Variants in LRRC52 observed in about 807,000 individuals in gnomAD.
The protein encoded by LRRC52 is leucine-rich repeat-containing protein 52.
A neutral mutation model predicts 14.7 loss-of-function variants in LRRC52; 15 were observed. The ratio of observed to expected loss-of-function variants is 1.02; its 90% CI spans 0.68 to 1.58. The LOEUF is 1.58. LRRC52 is among the 40% of genes most tolerant of loss of function. The pLI is 0.00. For missense variants in LRRC52, 400 were observed against 387.7 expected (o/e 1.03, Z -0.27); for synonymous variants, 180 against 163.9 (o/e 1.10, Z -0.75).
intron 1 of LRRC52, among the ~76,000 whole-genome samples, chr1:165,557,480 A>G (rs1661259183): frequency 6.6e-6 from 1 of 152,244 alleles, no homozygotes; most frequent in Admixed American, 6.5e-5. Flanking sequence ...ATAACAATCA[A>G]TTCATTCAAC....
intron 1 of LRRC52, among the ~76,000 whole-genome samples, chr1:165,561,797 T>C (rs1187445444): frequency 1.3e-5 from 2 of 152,226 alleles, no homozygotes; most frequent in African/African-American, 4.8e-5. Context: ...CAAAACAAAA[T>C]GACTTTGCTG....
chr1:165,558,136 A>T (rs1467208946), intron 1 of LRRC52, among the ~76,000 whole-genome samples: 1 of 152,242 alleles, frequency 6.6e-6, no homozygotes, highest in African/African-American at 2.4e-5. Context: ...TAGTTCTTCC[A>T]TGCATCTGAT....
At chr1:165,547,982 A>C (rs956596946) in intron 1 of LRRC52, among the ~76,000 whole-genome samples, 1 of 152,218 alleles carries the variant, frequency 6.6e-6, no homozygotes, top group Non-Finnish European at 1.5e-5. Flanking sequence ...ATTCTTGGTG[A>C]AGTTTCAAAC....
At chr1:165,559,582 G>T (rs1316367526) in intron 1 of LRRC52, among the ~76,000 whole-genome samples, 1 of 152,134 alleles carries the variant, frequency 6.6e-6, no homozygotes, top group Non-Finnish European at 1.5e-5. Context: ...CAACCTAACT[G>T]ACATGCATAG....
Position 165,544,690 on chromosome 1 carries a change from A to G in LRRC52, c.394A>G (p.Ile132Val). ...GCTCAGCAACCTGGTGCAGCTGAACATTGCCAACAACCCTCACCTGTTATC... is the reference window on the plus strand; with the variant it reads ...GCTCAGCAACCTGGTGCAGCTGAACGTTGCCAACAACCCTCACCTGTTATC... ...SVLSNLVQLNIANNPHLLSLH... is the reference protein window; with the variant it reads ...SVLSNLVQLNVANNPHLLSLH... Residue 132 changes from isoleucine (I) to valine (V), a missense_variant, in exon 1 of 2, where the codon ATT (isoleucine) becomes GTT (valine). Ile to Val is a conservative substitution (Grantham distance 29). Transcript: ENST00000294818. The G allele has an allele frequency of 1.2e-6, 2 of 1,613,954 alleles. No homozygotes were observed. The highest frequency in any genetic ancestry group is 1.7e-6 in the Non-Finnish European group (2 of 1,180,002).
chr1:165,561,898 CT>C (rs1661351603), intron 1 of LRRC52, among the ~76,000 whole-genome samples: 1 of 152,256 alleles, frequency 6.6e-6, no homozygotes, highest in African/African-American at 2.4e-5. Flanking sequence ...CAAATGCCTT[CT>C]CCCCAGCCAA....
At chr1:165,556,103 T>C (rs1479169923) in intron 1 of LRRC52, among the ~76,000 whole-genome samples, 1 of 152,238 alleles carries the variant, frequency 6.6e-6, no homozygotes, top group Admixed American at 6.5e-5. Context: ...ACTTTACACT[T>C]TGAGTGTTAT....
In LRRC52 at chr1:165,544,745, C is replaced by T; in HGVS notation, c.449C>T (p.Thr150Ile). ...SLHKFTFANTTSLRYLDLRNT... is the reference protein window; with the variant it reads ...SLHKFTFANTISLRYLDLRNT... ...CACAAGTTCACCTTTGCCAACACCACCTCTTTGAGGTACCTGGACCTCAGA... is the reference window on the plus strand; with the variant it reads ...CACAAGTTCACCTTTGCCAACACCATCTCTTTGAGGTACCTGGACCTCAGA... Residue 150 changes from threonine (T) to isoleucine (I), a missense_variant, in exon 1 of 2, where the codon ACC becomes ATC. Thr to Ile is a moderately conservative substitution (Grantham distance 89). Coordinates refer to ENST00000294818, the MANE Select transcript of LRRC52 (RefSeq NM_001005214.4). The T allele has an allele frequency of 6.2e-7, 1 of 1,614,150 alleles. No individual in the cohort carries two copies. The highest frequency in any genetic ancestry group is 8.5e-7 in the Non-Finnish European group (1 of 1,180,042).
In LRRC52 at chr1:165,557,698, G is replaced by C. The variant is rs574868820; in HGVS notation, c.623-5807G>C. 2.2e-4 allele frequency among the ~76,000 whole-genome samples: 33 copies of C among 152,258 alleles called. 1 individual carries two copies. The highest frequency in any genetic ancestry group is 7.5e-4 in the African/African-American group (31 of 41,550). Reference sequence around the variant, plus strand: ...TCTAGTGATATTTGGGTGGACTGGGGCCTAAAAGAAAAAATGGGGGAATTA... The same window carrying C: ...TCTAGTGATATTTGGGTGGACTGGGCCCTAAAAGAAAAAATGGGGGAATTA... On this transcript the variant is annotated intron_variant, in intron 1 of 1. Coordinates refer to ENST00000294818, the MANE Select transcript of LRRC52 (RefSeq NM_001005214.4).
chr1:165,562,735 C>A (rs1291394681), intron 1 of LRRC52, among the ~76,000 whole-genome samples: 1 of 151,910 alleles, frequency 6.6e-6, no homozygotes, highest in East Asian at 2.0e-4. Flanking sequence ...TGGGGAGGTG[C>A]TCAGAGAAGT....
intron 1 of LRRC52, among the ~76,000 whole-genome samples, chr1:165,561,715 A>G (rs1273246948): frequency 6.6e-6 from 1 of 152,242 alleles, no homozygotes. Context: ...CAGTTCGTGC[A>G]CTGGCTTCCC....
At chr1:165,554,559 C>T (rs1334567075) in intron 1 of LRRC52, among the ~76,000 whole-genome samples, 10 of 152,130 alleles carry the variant, frequency 6.6e-5, no homozygotes, top group Admixed American at 6.5e-4. Flanking sequence ...TCCTCAGCAT[C>T]CCCAGGAGCT....
chr1:165,556,686 C>A (rs1389712515), intron 1 of LRRC52, among the ~76,000 whole-genome samples: 1 of 152,210 alleles, frequency 6.6e-6, no homozygotes, highest in African/African-American at 2.4e-5. Flanking sequence ...AGTTTGCTGA[C>A]CCCTGGCTTA....
chr1:165,549,955 A>AT (rs5778458), intron 1 of LRRC52, among the ~76,000 whole-genome samples: 1 of 152,172 alleles, frequency 6.6e-6, no homozygotes, highest in African/African-American at 2.4e-5. Context: ...TAATGTAGTC[A>AT]TTTTTTTAAA....
At chr1:165,560,386 C>G (rs945671071) in intron 1 of LRRC52, among the ~76,000 whole-genome samples, 2 of 152,126 alleles carry the variant, frequency 1.3e-5, no homozygotes, top group Non-Finnish European at 2.9e-5. Flanking sequence ...CTCAATTTTA[C>G]AAATTACACA....
chr1:165,559,455 A>G (rs1661300411), intron 1 of LRRC52, among the ~76,000 whole-genome samples: 1 of 152,204 alleles, frequency 6.6e-6, no homozygotes, highest in Non-Finnish European at 1.5e-5. Context: ...CACAGTAAAA[A>G]CTGGTAATTT....
intron 1 of LRRC52, among the ~76,000 whole-genome samples, chr1:165,559,804 C>T (rs1298683252): frequency 6.6e-6 from 1 of 152,202 alleles, no homozygotes; most frequent in East Asian, 1.9e-4. Context: ...TAATATTTAG[C>T]ATTGAAATAT....
intron 1 of LRRC52, among the ~76,000 whole-genome samples, chr1:165,557,629 A>T (rs1167191608): frequency 6.6e-6 from 1 of 152,192 alleles, no homozygotes; most frequent in Non-Finnish European, 1.5e-5. Context: ...CTTGACAAAA[A>T]CATAATTTAG....
intron 1 of LRRC52, among the ~76,000 whole-genome samples, chr1:165,547,721 A>C (rs1362795706): frequency 3.3e-5 from 5 of 152,242 alleles, no homozygotes; most frequent in Admixed American, 2.0e-4. Flanking sequence ...TATACCATTT[A>C]TACATACATA....
Sources: allele counts gnomAD v4.1 joint callset (sites outside exome capture counted in the v4.1 genomes callset), GRCh38; gene constraint gnomAD v4.1.1; transcripts MANE v1.5; gene names NCBI Gene and HGNC (gene_info 2026-07-23, HGNC 2026-07-21).